Variants in GCNT1 observed in about 807,000 individuals in gnomAD.
GCNT1 encodes the protein glucosaminyl (N-acetyl) transferase 1.
A neutral mutation model predicts 26.2 loss-of-function variants in GCNT1; 16 were observed. The observed-to-expected ratio is 0.61, with a 90% CI of 0.41 to 0.93. The LOEUF is 0.93. Ranked by LOEUF, GCNT1 falls within the 40% of genes least tolerant of loss-of-function variation. The probability of loss-of-function intolerance (pLI) is 0.00; values close to 1 mark genes in which losing one functional copy is unlikely to be tolerated. For synonymous variants in GCNT1, 183 were observed against 190.8 expected, an observed-to-expected ratio of 0.96 and a Z score of 0.34; for missense variants, 477 against 526.7, an observed-to-expected ratio of 0.91 and a Z score of 0.92.
At chr9:76,435,819 T>C (rs1266584590) in intron 1 of GCNT1, among the ~76,000 whole-genome samples, 5 of 152,192 alleles carry the variant, frequency 3.3e-5, no homozygotes, top group Admixed American at 6.5e-5. Flanking sequence ...ACAAAGACCA[T>C]AATCTTGAGT....
rs1444027492 is a variant in GCNT1 at position 76,460,059 on chromosome 9, G to A, written c.-407-1G>A. On this transcript the variant is annotated splice_acceptor_variant, in intron 1 of 3. Coordinates refer to ENST00000376730, the MANE Select transcript of GCNT1 (RefSeq NM_001490.5). LOFTEE classifies it low-confidence loss of function (5UTR_SPLICE). ...GCTCACTGCTTCTTTTCTCCTGGCA[G>A]CGCTTTCTGCGCAGCACAGGCACCC... The A allele has an allele frequency of 6.6e-6, 1 of 152,200 alleles. No individual in the cohort carries two copies. Among genetic ancestry groups the A allele is most frequent in the Non-Finnish European group, 1.5e-5 (1 of 68,050 alleles). 9.4% of individuals were successfully genotyped at this position (152,200 alleles called of 1,614,324 possible). A position where few individuals can be genotyped will look rare whatever the true frequency, so the allele number is the denominator to read the frequency against.
At chr9:76,495,734 G>A (rs760055316) in intron 2 of GCNT1, among the ~76,000 whole-genome samples, 6 of 152,218 alleles carry the variant, frequency 3.9e-5, no homozygotes, top group Non-Finnish European at 8.8e-5. Context: ...ATTCAAGAGG[G>A]AGGGAATTTG....
At chr9:76,471,610 C>T (rs765554462) in intron 2 of GCNT1, among the ~76,000 whole-genome samples, 1 of 152,062 alleles carries the variant, frequency 6.6e-6, no homozygotes, top group Non-Finnish European at 1.5e-5. Context: ...AGAGGCATGG[C>T]TATAAAAATA....
chr9:76,402,683 AT>A, the GCNT1 span, among the ~76,000 whole-genome samples: 40 of 147,406 alleles, frequency 2.7e-4, no homozygotes, highest in Admixed American at 8.8e-4. Context: ...TATTTGGCTG[AT>A]TTTTTTTTTT....
At chr9:76,482,373 G>A (rs1824444842) in intron 2 of GCNT1, among the ~76,000 whole-genome samples, 1 of 151,752 alleles carries the variant, frequency 6.6e-6, no homozygotes, top group Admixed American at 6.6e-5. Flanking sequence ...TGTGATCCCA[G>A]CACTTTGGGA....
chr9:76,446,732 C>G (rs373258831), intron 1 of GCNT1, among the ~76,000 whole-genome samples: 119 of 152,188 alleles, frequency 7.8e-4, no homozygotes, highest in African/African-American at 2.7e-3. Flanking sequence ...AACAAAGAGG[C>G]TTTATATAAA....
At chr9:76,445,547 C>T (rs755006327) in intron 1 of GCNT1, among the ~76,000 whole-genome samples, 8 of 151,758 alleles carry the variant, frequency 5.3e-5, no homozygotes, top group South Asian at 2.1e-4. Context: ...ACCACCAAGC[C>T]CAGCTAATTT....
At chr9:76,491,191 C>G (rs1368707277) in intron 2 of GCNT1, among the ~76,000 whole-genome samples, 2 of 151,826 alleles carry the variant, frequency 1.3e-5, no homozygotes, top group African/African-American at 4.9e-5. Context: ...CTTTCTCTCT[C>G]TGACTCCCTC....
At chr9:76,443,449 T>C (rs1482943402) in intron 1 of GCNT1, among the ~76,000 whole-genome samples, 1 of 152,192 alleles carries the variant, frequency 6.6e-6, no homozygotes, top group Non-Finnish European at 1.5e-5. Context: ...AAGGAATAGG[T>C]TGGGCTAGTT....
intron 1 of GCNT1, among the ~76,000 whole-genome samples, chr9:76,448,148 C>G (rs1022116359): frequency 3.9e-5 from 6 of 152,148 alleles, no homozygotes; most frequent in Non-Finnish European, 7.4e-5. Context: ...CTAACAGACA[C>G]TTTATATATA....
the GCNT1 span, among the ~76,000 whole-genome samples, chr9:76,395,030 A>G: frequency 6.6e-6 from 1 of 152,306 alleles, no homozygotes; most frequent in African/African-American, 2.4e-5. Flanking sequence ...TGTTAACCCC[A>G]GAGACTAGTG....
At chr9:76,497,980 AT>A (rs35734029) in intron 2 of GCNT1, among the ~76,000 whole-genome samples, 33,041 of 152,180 alleles carry the variant, frequency 0.22, 4,755 homozygotes, top group East Asian at 0.58. Flanking sequence ...ACCTACCAGC[AT>A]TCATTGCCAT....
chr9:76,502,573 G>A lies in GCNT1; in HGVS notation c.192G>A (p.Gln64=), dbSNP rs114812984. The change falls in exon 4 of 4, where the codon CAG becomes CAA. Residue 64 remains glutamine, a synonymous_variant. Coordinates refer to ENST00000376730, the MANE Select transcript of GCNT1 (RefSeq NM_001490.5). ...ATATTAATTGCACCAAAGTTTTACAGGGTGATGTAAATGAAATCCAAAAGG... is the reference window on the plus strand; with the variant it reads ...ATATTAATTGCACCAAAGTTTTACAAGGTGATGTAAATGAAATCCAAAAGG... ...SSDINCTKVL[Q]GDVNEIQKVK... is the part of the protein sequence containing the mutation. 1.9e-4 allele frequency: 312 copies of A among 1,613,838 alleles called. No individual in the cohort carries two copies. In the African/African-American group the frequency reaches 3.8e-3, roughly 20 times the overall value.
At chr9:76,476,419 T>C (rs571567519) in intron 2 of GCNT1, among the ~76,000 whole-genome samples, 2 of 152,084 alleles carry the variant, frequency 1.3e-5, no homozygotes, top group African/African-American at 4.8e-5. Context: ...CTGCCTACTT[T>C]TAGATTTGAA....
At position 76,503,423 on chromosome 9, in the gene GCNT1, C is replaced by G. The variant is rs1825145812; in HGVS notation, c.1042C>G (p.Gln348Glu). The G allele has an allele frequency of 1.2e-6, 2 of 1,614,148 alleles. No homozygotes were observed. The highest frequency in any genetic ancestry group is 2.2e-5 in the South Asian group (2 of 91,076). Residue 348 changes from glutamine (Q) to glutamate (E), a missense_variant, in exon 4 of 4, where the codon CAA becomes GAA. Coordinates refer to ENST00000376730, the MANE Select transcript of GCNT1 (RefSeq NM_001490.5). The part of the protein sequence containing the change: ...ASHKYDLSDM[Q>E]AVARFVKWQY... ...CCATAAGTATGATCTGTCTGACATG[C>G]AAGCAGTTGCCAGGTTTGTCAAGTG... is the stretch of plus-strand genomic sequence containing the variant.
chr9:76,495,377 C>T (rs775036554), intron 2 of GCNT1, among the ~76,000 whole-genome samples: 1 of 152,112 alleles, frequency 6.6e-6, no homozygotes, highest in Non-Finnish European at 1.5e-5. Flanking sequence ...GAGTGTTACA[C>T]CTCTTAAAGG....
chr9:76,416,252 A>G (rs748872112), upstream of GCNT1, among the ~76,000 whole-genome samples: 2 of 152,092 alleles, frequency 1.3e-5, no homozygotes, highest in African/African-American at 4.8e-5. Context: ...TCCAGGGGGA[A>G]GATTATCTTC....
At chr9:76,452,517 T>G (rs373958682) in intron 1 of GCNT1, among the ~76,000 whole-genome samples, 278 of 152,248 alleles carry the variant, frequency 1.8e-3, no homozygotes, top group African/African-American at 6.5e-3. Context: ...ACAGAAAGCA[T>G]GGCTTGGGAG....
At chr9:76,437,149 A>AAG (rs748628453), upstream of GCNT1, among the ~76,000 whole-genome samples, 27 of 151,936 alleles carry the variant, frequency 1.8e-4, no homozygotes, top group East Asian at 1.9e-4. Flanking sequence ...TGGGGAAAAA[A>AAG]AGAGAGAGAG....
Sources: gnomAD v4.1 joint callset for allele counts (sites outside exome capture counted in the v4.1 genomes callset) on GRCh38, gnomAD v4.1.1 for gene constraint, MANE v1.5 for transcripts, NCBI Gene and HGNC (gene_info 2026-07-23, HGNC 2026-07-21) for gene names.